The following TTC7A variants were observed in gnomAD, a reference collection of about 807,000 sequenced individuals.
The protein encoded by TTC7A is tetratricopeptide repeat domain 7A.
Under a neutral mutation model 103.7 loss-of-function variants are expected in TTC7A, and 110 were observed. The observed-to-expected ratio is 1.06, with a 90% CI of 0.91 to 1.24. The LOEUF is 1.24. Among genes scored for constraint, TTC7A ranks in the 50% most tolerant of loss-of-function variants. The pLI, the probability that TTC7A is intolerant of heterozygous loss-of-function variation, is 0.00. For synonymous variants in TTC7A, 521 were observed against 467.9 expected (o/e 1.11, Z -1.47); for missense variants, 1,340 against 1,116.3 (o/e 1.20, Z -2.86).
intron 15 of TTC7A, among the ~76,000 whole-genome samples, chr2:47,042,696 G>GTA (rs1681886051): frequency 7.0e-6 from 1 of 142,190 alleles, no homozygotes; most frequent in South Asian, 2.2e-4. Flanking sequence ...GTGTGTGTGT[G>GTA]TGTGTGTATA....
intron 3 of TTC7A, among the ~76,000 whole-genome samples, chr2:46,971,231 G>A (rs1338161119): frequency 1.3e-5 from 2 of 152,230 alleles, no homozygotes; most frequent in Non-Finnish European, 2.9e-5. Context: ...TCAGGAATAT[G>A]TATAGACTGG....
At position 47,006,017 on chromosome 2, in the gene TTC7A, C is replaced by T; in HGVS notation, c.1161C>T (p.Ser387=). Residue 387 remains serine (S), a synonymous_variant, in exon 9 of 20, where the codon AGC becomes AGT. Transcript: ENST00000319190. The part of the protein sequence containing the change: ...QNAAAIYDLL[S]ITLGRRGQYV... ...CCGCAGCCATCTATGACCTCCTGAG[C>T]ATCACGTTGGGCAGAAGGGGACAGT... 6.2e-7 allele frequency: 1 copy of T among 1,613,844 alleles called. No individual in the cohort carries two copies.
chr2:46,978,916 C>T lies in TTC7A; in HGVS notation c.764+9C>T, dbSNP rs1423132210. The T allele has an allele frequency of 6.2e-7, 1 of 1,602,474 alleles. No individual in the cohort carries two copies. The highest frequency in any genetic ancestry group is 1.1e-5 in the South Asian group (1 of 90,834). On this transcript the variant is annotated intron_variant, in intron 5 of 19. Coordinates refer to ENST00000319190, the MANE Select transcript of TTC7A (RefSeq NM_020458.4). ...AAAAACCTGAAGAAGGGGTAGGTCA[C>T]TGGTAGTTGAGTGAGTGGGAGAACG... is the stretch of plus-strand genomic sequence containing the variant.
chr2:46,966,995 C>T (rs920166032), intron 3 of TTC7A, among the ~76,000 whole-genome samples: 1 of 151,676 alleles, frequency 6.6e-6, no homozygotes, highest in African/African-American at 2.4e-5. Flanking sequence ...GGTGGATCAC[C>T]TGAGGTCAGG....
intron 1 of TTC7A, among the ~76,000 whole-genome samples, chr2:46,942,351 G>C (rs1169899981): frequency 6.6e-6 from 1 of 152,162 alleles, no homozygotes. Context: ...TGGCAGCGGG[G>C]AACACCCCGC....
intron 3 of TTC7A, among the ~76,000 whole-genome samples, chr2:46,972,976 C>A (rs918666711): frequency 5.9e-5 from 9 of 152,210 alleles, no homozygotes; most frequent in African/African-American, 2.2e-4. Context: ...CAAGTAACCC[C>A]ATCTTCAGGC....
chr2:46,931,043 C>G (rs1669675257), intron 2 of TTC7A, among the ~76,000 whole-genome samples: 1 of 152,138 alleles, frequency 6.6e-6, no homozygotes, highest in African/African-American at 2.4e-5. Flanking sequence ...ATTTTATTAG[C>G]AATTCAAATC....
intron 18 of TTC7A, among the ~76,000 whole-genome samples, chr2:47,057,645 G>T (rs968868102): frequency 6.6e-6 from 1 of 152,150 alleles, no homozygotes; most frequent in Admixed American, 6.5e-5. Flanking sequence ...TTCTGGCGAT[G>T]GAGGAAGCAG....
chr2:46,942,982 T>G (rs2103904456), intron 1 of TTC7A, among the ~76,000 whole-genome samples: 1 of 152,262 alleles, frequency 6.6e-6, no homozygotes, highest in East Asian at 1.9e-4. Context: ...CTCAGCTCAC[T>G]GCAGCCTCAA....
chr2:47,065,328 T>C (rs1389191741), intron 19 of TTC7A, among the ~76,000 whole-genome samples: 2 of 152,168 alleles, frequency 1.3e-5, no homozygotes, highest in Admixed American at 6.5e-5. Context: ...GTGGCTTACA[T>C]AGCATTTTCA....
chr2:47,062,781 T>A (rs1683892213), intron 19 of TTC7A, among the ~76,000 whole-genome samples: 1 of 152,270 alleles, frequency 6.6e-6, no homozygotes, highest in African/African-American at 2.4e-5. Context: ...AGGGTAGGTT[T>A]CCATGGTTAC....
chr2:47,072,654 C>A (rs1684859264), intron 19 of TTC7A, among the ~76,000 whole-genome samples: 2 of 152,160 alleles, frequency 1.3e-5, no homozygotes, highest in Admixed American at 1.3e-4. Flanking sequence ...CCCACTGCGG[C>A]CCCCGCCTGT....
intron 4 of TTC7A, among the ~76,000 whole-genome samples, chr2:46,975,471 CCTGT>C (rs1010004283): frequency 2.4e-4 from 37 of 151,960 alleles, no homozygotes; most frequent in African/African-American, 8.9e-4. Flanking sequence ...CTCCCTGGAT[CCTGT>C]GAGGAAGCAG....
intron 8 of TTC7A, among the ~76,000 whole-genome samples, chr2:46,998,705 C>T (rs1381227529): frequency 6.6e-6 from 1 of 152,198 alleles, no homozygotes; most frequent in Non-Finnish European, 1.5e-5. Flanking sequence ...TTGCTTCCAC[C>T]TCCAGGACAT....
intron 1 of TTC7A, among the ~76,000 whole-genome samples, chr2:46,944,850 CTT>C (rs1210590278): frequency 6.6e-6 from 1 of 152,076 alleles, no homozygotes; most frequent in Admixed American, 6.5e-5. Context: ...AATAAGAACT[CTT>C]TTTGAAAATA....
chr2:47,015,501 G>A (rs2104510337), intron 11 of TTC7A, among the ~76,000 whole-genome samples: 1 of 152,274 alleles, frequency 6.6e-6, no homozygotes, highest in African/African-American at 2.4e-5. Flanking sequence ...TCAAATTTCT[G>A]CCTACCCATG....
chr2:47,027,290 C>T (rs1180877392), intron 14 of TTC7A, among the ~76,000 whole-genome samples: 1 of 152,156 alleles, frequency 6.6e-6, no homozygotes, highest in Non-Finnish European at 1.5e-5. Context: ...TGCGCCTGGA[C>T]CCACAGCACA....
intron 14 of TTC7A, among the ~76,000 whole-genome samples, chr2:47,027,406 T>A (rs577197220): frequency 2.2e-4 from 33 of 152,274 alleles, no homozygotes; most frequent in Middle Eastern, 3.4e-3. Flanking sequence ...TGGCCTGGAG[T>A]CAGGACCCCC....
intron 2 of TTC7A, among the ~76,000 whole-genome samples, chr2:46,933,512 A>G (rs991904212): frequency 2.6e-5 from 4 of 152,258 alleles, no homozygotes; most frequent in African/African-American, 9.6e-5. Context: ...ACAAAGGAAA[A>G]GACCATATAG....
Sources: allele counts gnomAD v4.1 joint callset (sites outside exome capture counted in the v4.1 genomes callset), GRCh38; gene constraint gnomAD v4.1.1; transcripts MANE v1.5; gene names NCBI Gene and HGNC (gene_info 2026-07-23, HGNC 2026-07-21).